Variants in WDTC1 observed in about 807,000 individuals in gnomAD.
The protein encoded by WDTC1 is WD and tetratricopeptide repeats 1.
In WDTC1, 12 loss-of-function variants were observed where a neutral mutation model predicts 76.0. That is an observed-to-expected ratio of 0.16 (90% CI 0.10 to 0.26). The LOEUF (loss-of-function observed/expected upper bound fraction) is 0.26, where lower values mean the gene tolerates loss of function less well. Among genes scored for constraint, WDTC1 ranks in the 10% least tolerant of loss-of-function variants. The probability of loss-of-function intolerance (pLI) is 1.00; values close to 1 mark genes in which losing one functional copy is unlikely to be tolerated. For synonymous variants in WDTC1, 326 were observed against 350.8 expected (o/e 0.93, Z 0.79); for missense variants, 511 against 908.8 (o/e 0.56, Z 5.63).
At chr1:27,254,888 A>G (rs1167158209) in intron 1 of WDTC1, among the ~76,000 whole-genome samples, 3 of 151,512 alleles carry the variant, frequency 2.0e-5, no homozygotes, top group African/African-American at 7.3e-5. Context: ...CAGCCTCCCA[A>G]AGTGCTGGGA....
In WDTC1 at chr1:27,307,327, G is replaced by C. The variant is rs778442616; in HGVS notation, c.*944G>C. The stretch of plus-strand genomic sequence containing the variant: ...TTTTCTCTGTCCCCTGCTGCTCTGA[G>C]GGGAGAGGGGTGGGTCTCCTGAGCC... On this transcript the variant is annotated 3_prime_UTR_variant, in exon 16 of 16. Coordinates refer to ENST00000319394, the MANE Select transcript of WDTC1 (RefSeq NM_001276252.2). The surrounding 1 kb of genome is among the most constrained non-coding windows in gnomAD (Gnocchi z 4.1). The C allele has an allele frequency of 6.5e-6, 1 of 152,892 alleles. No individual in the cohort carries two copies. The highest frequency in any genetic ancestry group is 1.5e-5 in the Non-Finnish European group (1 of 68,250). The allele number at this position is 152,892 out of a possible 1,614,324, so 9.5% of individuals were successfully genotyped here.
intron 3 of WDTC1, among the ~76,000 whole-genome samples, chr1:27,278,224 A>T (rs910538526): frequency 2.6e-5 from 4 of 152,148 alleles, no homozygotes; most frequent in Non-Finnish European, 5.9e-5. Flanking sequence ...TCACTTATGT[A>T]TTGCTTATGT....
At chr1:27,299,974 C>T (rs1018399914) in intron 12 of WDTC1, among the ~76,000 whole-genome samples, 1 of 152,174 alleles carries the variant, frequency 6.6e-6, no homozygotes, top group Non-Finnish European at 1.5e-5. Context: ...TCTGGCTCTC[C>T]CCAGGAGCTC....
chr1:27,261,034 C>T lies in WDTC1; in HGVS notation c.-21C>T. 5 of 1,614,088 alleles carry T rather than the reference C, an allele frequency of 3.1e-6. No individual in the cohort carries two copies. Among genetic ancestry groups the T allele is most frequent in the Non-Finnish European group, 4.2e-6 (5 of 1,179,984 alleles). On this transcript the variant is annotated 5_prime_UTR_variant, in exon 2 of 16. Transcript: ENST00000319394. The stretch of plus-strand genomic sequence containing the variant: ...CTGAAGATCCTATTATAGCTTCCTT[C>T]TGTTGAACCATTAAGAAAAGATGGC...
At chr1:27,235,082 C>T (rs1205008477) in intron 1 of WDTC1, 131 bp downstream of exon 1, 1 of 312,354 alleles carries the variant, frequency 3.2e-6, no homozygotes. Flanking sequence ...AGCCTACCCG[C>T]CTCGGGGCCC....
rs2013894378 is a variant in WDTC1 at position 27,303,992 on chromosome 1, A to T, written c.1643+197A>T. 2 of 647,668 alleles carry T rather than the reference A, an allele frequency of 3.1e-6. No individual in the cohort carries two copies. The highest frequency in any genetic ancestry group is 3.5e-5 in the Admixed American group (1 of 28,236). The allele number at this position is 647,668 out of a possible 1,614,324, so 40.1% of individuals were successfully genotyped here. Reference sequence around the variant, plus strand: ...GACCAACCTGCCATGCCCATTTATGAGGCCATAACAAGGACTAATAAGATA... The same window carrying T: ...GACCAACCTGCCATGCCCATTTATGTGGCCATAACAAGGACTAATAAGATA... On this transcript the variant is annotated intron_variant, in intron 14 of 15. Coordinates refer to ENST00000319394, the MANE Select transcript of WDTC1 (RefSeq NM_001276252.2). The surrounding 1 kb of genome is among the most constrained non-coding windows in gnomAD (Gnocchi z 4.8).
chr1:27,287,663 C>T lies in WDTC1; in HGVS notation c.292-11C>T. The stretch of plus-strand genomic sequence containing the variant: ...TTACCACCCACCCCTTCCTCCATTT[C>T]TCCTATATAGTTCCTGCCTCACGCT... On this transcript the variant is annotated splice_polypyrimidine_tract_variant and intron_variant, in intron 5 of 15. Transcript: ENST00000319394. The T allele has an allele frequency of 1.9e-6, 3 of 1,611,348 alleles. No individual in the cohort carries two copies. Among genetic ancestry groups the T allele is most frequent in the Non-Finnish European group, 1.7e-6 (2 of 1,178,822 alleles).
chr1:27,273,668 A>G (rs2012939699), intron 3 of WDTC1, among the ~76,000 whole-genome samples: 1 of 152,204 alleles, frequency 6.6e-6, no homozygotes, highest in South Asian at 2.1e-4. Flanking sequence ...ATCAGTGTTA[A>G]ATTTTCTGAT....
At chr1:27,240,142 T>C (rs1210941175) in intron 1 of WDTC1, among the ~76,000 whole-genome samples, 2 of 152,096 alleles carry the variant, frequency 1.3e-5, no homozygotes, top group African/African-American at 2.4e-5. Flanking sequence ...CCACTCACCT[T>C]GGCCCCCCAA....
intron 12 of WDTC1, among the ~76,000 whole-genome samples, chr1:27,299,928 G>A (rs1243226760): frequency 3.9e-5 from 6 of 152,160 alleles, no homozygotes; most frequent in Admixed American, 3.9e-4. Flanking sequence ...GGATGCAGTG[G>A]GAGCTGTCAC....
At chr1:27,261,165 C>T (rs376353178) in intron 2 of WDTC1, 63 bp downstream of exon 2, 149 of 1,600,982 alleles carry the variant, frequency 9.3e-5, no homozygotes, top group Middle Eastern at 5.0e-4. Flanking sequence ...ATTGATTTTA[C>T]AGATGAAAAA....
At chr1:27,263,714 C>T (rs938794116) in intron 3 of WDTC1, among the ~76,000 whole-genome samples, 1 of 152,154 alleles carries the variant, frequency 6.6e-6, no homozygotes, top group African/African-American at 2.4e-5. Context: ...CAGGCGTGAG[C>T]CACCGCGCCT....
At chr1:27,255,994 CCTCT>C (rs1175794113) in intron 1 of WDTC1, among the ~76,000 whole-genome samples, 1 of 152,118 alleles carries the variant, frequency 6.6e-6, no homozygotes, top group African/African-American at 2.4e-5. Flanking sequence ...TCAGAGAACC[CCTCT>C]CTATCAGGCA....
At chr1:27,285,088 G>A (rs1399628680) in intron 5 of WDTC1, among the ~76,000 whole-genome samples, 2 of 147,704 alleles carry the variant, frequency 1.4e-5, no homozygotes, top group African/African-American at 2.5e-5. Context: ...CCAGGCTGGA[G>A]TGCAGTTGGC....
intron 1 of WDTC1, among the ~76,000 whole-genome samples, chr1:27,260,205 C>T (rs755469861): frequency 6.6e-6 from 1 of 151,992 alleles, no homozygotes; most frequent in Non-Finnish European, 1.5e-5. Context: ...CCCAGGTTCA[C>T]GCCATTCTCC....
At chr1:27,286,753 C>T (rs897875502) in intron 5 of WDTC1, among the ~76,000 whole-genome samples, 9 of 151,990 alleles carry the variant, frequency 5.9e-5, no homozygotes, top group Admixed American at 1.3e-4. Context: ...TGAGCCACCA[C>T]GCCTGGCCTG....
intron 7 of WDTC1, among the ~76,000 whole-genome samples, chr1:27,293,235 A>G (rs927783675): frequency 1.3e-5 from 2 of 149,798 alleles, no homozygotes; most frequent in Non-Finnish European, 3.0e-5. Context: ...GATCGAGACC[A>G]TCCTGGCTAA....
At chr1:27,265,020 T>A (rs2012616009) in intron 3 of WDTC1, among the ~76,000 whole-genome samples, 1 of 152,058 alleles carries the variant, frequency 6.6e-6, no homozygotes, top group Admixed American at 6.6e-5. Context: ...CCCAGGCTGG[T>A]CTCAAACTCC....
At chr1:27,265,554 A>C (rs1182693260) in intron 3 of WDTC1, among the ~76,000 whole-genome samples, 1 of 152,036 alleles carries the variant, frequency 6.6e-6, no homozygotes, top group Non-Finnish European at 1.5e-5. Context: ...GGGAGGCTAA[A>C]ATGGGAGAAT....
Sources: gnomAD v4.1 joint callset for allele counts (sites outside exome capture counted in the v4.1 genomes callset) on GRCh38, gnomAD v4.1.1 for gene constraint, Gnocchi (gnomAD v3.1) non-coding constraint, MANE v1.5 for transcripts, NCBI Gene and HGNC (gene_info 2026-07-23, HGNC 2026-07-21) for gene names.